The following CCNY variants were observed in gnomAD, a reference collection of about 807,000 sequenced individuals.
CCNY encodes the protein cyclin-Y.
In CCNY, 19 loss-of-function variants were observed where a neutral mutation model predicts 42.8. The observed-to-expected ratio is 0.44, with a 90% confidence interval of 0.31 to 0.65. The LOEUF is 0.65. Ranked by LOEUF, CCNY falls within the 30% of genes least tolerant of loss-of-function variation. The pLI is 0.07. For missense variants in CCNY, 370 were observed against 437.3 expected, an observed-to-expected ratio of 0.85 and a Z score of 1.37; for synonymous variants, 165 against 162.7, an observed-to-expected ratio of 1.01 and a Z score of -0.11.
chr10:35,473,674 A>G (rs1411413597), intron 1 of CCNY, among the ~76,000 whole-genome samples: 1 of 152,220 alleles, frequency 6.6e-6, no homozygotes. Flanking sequence ...AGCATACTTT[A>G]GCAGTGAAGT....
At chr10:35,272,122 G>GCTGC (rs1835178002) in intron 3 of CCNY, among the ~76,000 whole-genome samples, 1 of 152,116 alleles carries the variant, frequency 6.6e-6, no homozygotes, top group Admixed American at 6.6e-5. Context: ...GAGTAGCTGG[G>GCTGC]ATTACAGGCA....
chr10:35,440,747 A>C (rs2135294903), intron 1 of CCNY, among the ~76,000 whole-genome samples: 1 of 152,320 alleles, frequency 6.6e-6, no homozygotes, highest in South Asian at 2.1e-4. Flanking sequence ...CCAAAGTAGA[A>C]TGAAGTGTAA....
chr10:35,472,903 G>C (rs566881665), intron 1 of CCNY, among the ~76,000 whole-genome samples: 1 of 152,052 alleles, frequency 6.6e-6, no homozygotes, highest in Non-Finnish European at 1.5e-5. Context: ...GTAGTATTTC[G>C]ATACGAATAG....
chr10:35,540,122 G>A (rs373362995), intron 7 of CCNY, among the ~76,000 whole-genome samples: 5 of 152,244 alleles, frequency 3.3e-5, no homozygotes, highest in African/African-American at 7.2e-5. Flanking sequence ...GAAGTATCAC[G>A]AGTGCACATC....
At chr10:35,467,038 G>T (rs1839283896) in intron 1 of CCNY, among the ~76,000 whole-genome samples, 1 of 152,240 alleles carries the variant, frequency 6.6e-6, no homozygotes, top group African/African-American at 2.4e-5. Context: ...AATTCTGTGA[G>T]CAGGGGCCAT....
rs1356730716 is a variant in CCNY, at chr10:35,451,420, G to T, written c.155-31984G>T. Among the ~76,000 whole-genome samples the T allele has an allele frequency of 2.6e-5, 4 of 152,156 alleles. No homozygotes were observed. In the East Asian group the frequency reaches 5.8e-4, roughly 22 times the overall value. On this transcript the variant is annotated intron_variant, in intron 1 of 9. Transcript: ENST00000374704. ...CAAGTGCCTCTGACCAGAATGGGTG[G>T]GTCATTTTCCATGTCGTCTTAAAAT... is the stretch of plus-strand genomic sequence containing the variant.
At position 35,355,420 on chromosome 10, in the gene CCNY, G is replaced by A. The variant is rs1256609446; in HGVS notation, c.154+18213G>A. 3.9e-5 allele frequency among the ~76,000 whole-genome samples: 6 copies of A among 152,060 alleles called. No individual in the cohort carries two copies. In the South Asian group the frequency reaches 6.2e-4, roughly 16 times the overall value. On this transcript the variant is annotated intron_variant, in intron 1 of 9. Transcript: ENST00000374704. ...TGCTGCGTGCGGTGGCTCCTGCCTTGTAGTCCCAGCACTTTGGGAGGCAGA... is the reference window on the plus strand; with the variant it reads ...TGCTGCGTGCGGTGGCTCCTGCCTTATAGTCCCAGCACTTTGGGAGGCAGA...
rs565377826 is a variant in CCNY at position 35,551,851 on chromosome 10, T to C, written c.580-1168T>C. Among the ~76,000 whole-genome samples the C allele has an allele frequency of 3.9e-5, 6 of 152,348 alleles. 1 individual carries two copies. The East Asian group carries it at 1.2e-3, about 29-fold the overall frequency. On this transcript the variant is annotated intron_variant, in intron 7 of 9. Coordinates refer to ENST00000374704, the MANE Select transcript of CCNY (RefSeq NM_145012.6). ...ACGACTTCACACACATTAGGATGAC[T>C]ATTACCAAAACAAAACAGAAAATAA...
intron 3 of CCNY, among the ~76,000 whole-genome samples, chr10:35,255,507 A>G (rs1565053583): frequency 6.6e-6 from 1 of 151,126 alleles, no homozygotes; most frequent in Admixed American, 6.6e-5. Flanking sequence ...CATATTGGTC[A>G]GGCTGGTCTT....
intron 1 of CCNY, among the ~76,000 whole-genome samples, chr10:35,396,674 C>T (rs750089463): frequency 9.9e-5 from 15 of 152,230 alleles, no homozygotes; most frequent in Admixed American, 2.6e-4. Flanking sequence ...GCCTCAGGGA[C>T]GCTTCCCATG....
intron 7 of CCNY, among the ~76,000 whole-genome samples, chr10:35,533,922 G>C (rs1840823888): frequency 6.6e-6 from 1 of 152,150 alleles, no homozygotes; most frequent in Non-Finnish European, 1.5e-5. Context: ...GAAGTACATG[G>C]TGGTGATGTG....
In CCNY at chr10:35,534,249, T is replaced by C. The variant is rs188107858; in HGVS notation, c.579+4006T>C. On this transcript the variant is annotated intron_variant, in intron 7 of 9. Coordinates refer to ENST00000374704, the MANE Select transcript of CCNY (RefSeq NM_145012.6). Reference sequence around the variant, plus strand: ...CCATGTTGGCCAGGCTGGTCACTCCTGACCTCAAGTGATCTGCCCACCTCA... The same window carrying C: ...CCATGTTGGCCAGGCTGGTCACTCCCGACCTCAAGTGATCTGCCCACCTCA... 1.2e-4 allele frequency among the ~76,000 whole-genome samples: 19 copies of C among 152,270 alleles called. No individual in the cohort carries two copies. In the East Asian group the frequency reaches 3.5e-3, roughly 28 times the overall value.
rs534069007 is a variant in CCNY, at chr10:35,552,259, G to A, written c.580-760G>A. Among the ~76,000 whole-genome samples, 4 of 152,324 alleles carry A rather than the reference G, an allele frequency of 2.6e-5. No homozygotes were observed. In the South Asian group the frequency reaches 6.2e-4, roughly 24 times the overall value. On this transcript the variant is annotated intron_variant, in intron 7 of 9. Coordinates refer to ENST00000374704, the MANE Select transcript of CCNY (RefSeq NM_145012.6). ...AGGTCATTATGCGAAGTGATAATAA[G>A]CCAGACAGAAAAGGACGAATATTTT...
chr10:35,364,918 C>G (rs1836776787), intron 1 of CCNY, among the ~76,000 whole-genome samples: 1 of 152,156 alleles, frequency 6.6e-6, no homozygotes, highest in Admixed American at 6.5e-5. Flanking sequence ...TGTGCATTTT[C>G]CTAGTGCTGG....
At chr10:35,363,845 G>A (rs916068789) in intron 1 of CCNY, among the ~76,000 whole-genome samples, 2 of 152,206 alleles carry the variant, frequency 1.3e-5, no homozygotes, top group Non-Finnish European at 2.9e-5. Flanking sequence ...AGGATTCAGA[G>A]TTGACCCTGA....
chr10:35,404,291 C>T (rs1837708921), intron 1 of CCNY, among the ~76,000 whole-genome samples: 1 of 152,140 alleles, frequency 6.6e-6, no homozygotes, highest in Admixed American at 6.5e-5. Flanking sequence ...GGGCGTGGTC[C>T]TGGTTCTTGT....
intron 3 of CCNY, among the ~76,000 whole-genome samples, chr10:35,326,551 T>C (rs1484873702): frequency 2.6e-5 from 4 of 152,194 alleles, no homozygotes; most frequent in African/African-American, 9.7e-5. Flanking sequence ...GTCTAAGAGC[T>C]AGGATTCTGT....
Position 35,473,016 on chromosome 10 carries a change from A to T in CCNY, c.155-10388A>T, listed in dbSNP as rs1300946036. 2.0e-5 allele frequency among the ~76,000 whole-genome samples: 3 copies of T among 152,168 alleles called. No individual in the cohort carries two copies. In the East Asian group the frequency reaches 5.8e-4, roughly 29 times the overall value. On this transcript the variant is annotated intron_variant, in intron 1 of 9. Coordinates refer to ENST00000374704, the MANE Select transcript of CCNY (RefSeq NM_145012.6). ...TGCTAGGAAAAAAAAAGCAATATTTATTTTTGACTCAAAAAATTATGAGTC... is the reference window on the plus strand; with the variant it reads ...TGCTAGGAAAAAAAAAGCAATATTTTTTTTTGACTCAAAAAATTATGAGTC...
At chr10:35,340,232 A>T (rs1836146004) in intron 1 of CCNY, among the ~76,000 whole-genome samples, 1 of 152,160 alleles carries the variant, frequency 6.6e-6, no homozygotes, top group Non-Finnish European at 1.5e-5. Flanking sequence ...CTTAGCCATC[A>T]AACGTTAGCT....
Sources: gnomAD v4.1 joint callset for allele counts (sites outside exome capture counted in the v4.1 genomes callset) on GRCh38, gnomAD v4.1.1 for gene constraint, MANE v1.5 for transcripts, NCBI Gene and HGNC (gene_info 2026-07-23, HGNC 2026-07-21) for gene names.